The following COLGALT2 variants were observed in gnomAD, a reference collection of about 807,000 sequenced individuals.
COLGALT2 encodes collagen beta(1-O)galactosyltransferase 2, also known as procollagen galactosyltransferase 2.
In COLGALT2, 49 loss-of-function variants were observed where a neutral mutation model predicts 73.4. The ratio of observed to expected loss-of-function variants is 0.67; its 90% CI spans 0.53 to 0.85. The LOEUF is 0.85. Among genes scored for constraint, COLGALT2 ranks in the 40% least tolerant of loss-of-function variants. COLGALT2 has a pLI of 0.00. For synonymous variants in COLGALT2, 295 were observed against 307.6 expected (o/e 0.96, Z 0.43); for missense variants, 722 against 790.2 (o/e 0.91, Z 1.03).
At chr1:183,998,947 C>T (rs113149956) in intron 1 of COLGALT2, among the ~76,000 whole-genome samples, 9 of 152,020 alleles carry the variant, frequency 5.9e-5, no homozygotes, top group African/African-American at 1.9e-4. Context: ...AATTTATCTG[C>T]AAATTCTATT....
At chr1:183,992,524 A>G (rs1047782658) in intron 1 of COLGALT2, among the ~76,000 whole-genome samples, 1 of 152,234 alleles carries the variant, frequency 6.6e-6, no homozygotes, top group Non-Finnish European at 1.5e-5. Context: ...TGAAGCACTC[A>G]TAATTTTCAA....
intron 1 of COLGALT2, among the ~76,000 whole-genome samples, chr1:184,000,012 C>T (rs1021353753): frequency 6.6e-6 from 1 of 151,864 alleles, no homozygotes; most frequent in Non-Finnish European, 1.5e-5. Flanking sequence ...CACCTCTTAG[C>T]TTATTTAGTA....
chr1:183,971,577 C>T (rs1671038261), intron 4 of COLGALT2, among the ~76,000 whole-genome samples: 1 of 152,182 alleles, frequency 6.6e-6, no homozygotes, highest in South Asian at 2.1e-4. Context: ...ATAATGTTTT[C>T]TCCCAAGGAA....
Position 184,037,098 on chromosome 1 carries a change from AT to A in COLGALT2, c.259del (p.Ile87SerfsTer20). ...RLDYPKSRMA[I>X]WAATDHNVDN... ...CCCGGGGCCCGTGCGCGCTCACCAG[AT>A]GGCCATCCTGCTCTTGGGGTAGTCC... On this transcript the variant is annotated frameshift_variant, in exon 1 of 12. Coordinates refer to ENST00000361927, the MANE Select transcript of COLGALT2 (RefSeq NM_015101.4). LOFTEE classifies it high-confidence loss of function. 6.3e-7 allele frequency: 1 copy of A among 1,575,276 alleles called. No homozygotes were observed. Among genetic ancestry groups the A allele is most frequent in the South Asian group, 1.1e-5 (1 of 88,100 alleles).
chr1:183,995,974 T>C (rs1315655335), intron 1 of COLGALT2, among the ~76,000 whole-genome samples: 2 of 152,260 alleles, frequency 1.3e-5, no homozygotes, highest in East Asian at 1.9e-4. Flanking sequence ...TTCAATCTTA[T>C]TGAGCTCTGT....
intron 1 of COLGALT2, among the ~76,000 whole-genome samples, chr1:184,008,174 A>G (rs1225506750): frequency 6.6e-6 from 1 of 152,260 alleles, no homozygotes; most frequent in East Asian, 1.9e-4. Context: ...AGTATTCCAA[A>G]TGGATAAACA....
intron 1 of COLGALT2, among the ~76,000 whole-genome samples, chr1:184,027,413 C>A (rs560120359): frequency 6.6e-6 from 1 of 152,328 alleles, no homozygotes; most frequent in African/African-American, 2.4e-5. Context: ...TGTGGACCAT[C>A]TGATGAATGT....
At chr1:183,955,013 C>T (rs188496245) in intron 6 of COLGALT2, among the ~76,000 whole-genome samples, 175 bp from the exon 7 acceptor site, 1 of 152,310 alleles carries the variant, frequency 6.6e-6, no homozygotes, top group East Asian at 1.9e-4. Flanking sequence ...CTGGTCAGGG[C>T]ACTGGTTTCA....
intron 7 of COLGALT2, 37 bp from the exon 8 acceptor site, chr1:183,951,150 T>C: frequency 7.0e-7 from 1 of 1,432,680 alleles, no homozygotes; most frequent in South Asian, 1.1e-5. Flanking sequence ...ACACATAAAT[T>C]ACTCAAGTCT....
chr1:184,026,470 A>G (rs1649334880), intron 1 of COLGALT2, among the ~76,000 whole-genome samples: 1 of 152,208 alleles, frequency 6.6e-6, no homozygotes. Flanking sequence ...GCTGCTGTAC[A>G]TGCAGTTATA....
chr1:183,971,801 A>C (rs560543271), intron 4 of COLGALT2, among the ~76,000 whole-genome samples: 7 of 152,238 alleles, frequency 4.6e-5, no homozygotes, highest in Non-Finnish European at 7.4e-5. Flanking sequence ...AACAAAAATC[A>C]CGTTAATCCC....
chr1:183,974,944 C>A (rs568695775), intron 3 of COLGALT2, among the ~76,000 whole-genome samples, 153 bp downstream of exon 3: 1 of 152,228 alleles, frequency 6.6e-6, no homozygotes, highest in South Asian at 2.1e-4. Context: ...TTTTAAACTA[C>A]CAAAAATTTC....
At chr1:183,951,439 G>A (rs1390787813) in intron 7 of COLGALT2, among the ~76,000 whole-genome samples, 1 of 152,126 alleles carries the variant, frequency 6.6e-6, no homozygotes, top group East Asian at 1.9e-4. Context: ...ACGATCCTAT[G>A]TTTAGAAAAA....
intron 1 of COLGALT2, among the ~76,000 whole-genome samples, chr1:183,994,586 C>T (rs1318721320): frequency 6.6e-6 from 1 of 152,148 alleles, no homozygotes; most frequent in African/African-American, 2.4e-5. Flanking sequence ...TCCCGAATAG[C>T]TCGGATTACT....
At chr1:183,982,335 T>G (rs1450220042) in intron 1 of COLGALT2, among the ~76,000 whole-genome samples, 1 of 152,182 alleles carries the variant, frequency 6.6e-6, no homozygotes, top group Non-Finnish European at 1.5e-5. Flanking sequence ...GAGTTTGTGA[T>G]TGTGCCAAAA....
chr1:183,945,682 G>A, intron 8 of COLGALT2, 118 bp from the exon 9 acceptor site: 2 of 1,214,132 alleles, frequency 1.6e-6, no homozygotes, highest in Non-Finnish European at 2.3e-6. Context: ...AAGACAGAGA[G>A]GCTTCCCTTT....
At chr1:184,010,641 A>G (rs1377975958) in intron 1 of COLGALT2, among the ~76,000 whole-genome samples, 1 of 152,214 alleles carries the variant, frequency 6.6e-6, no homozygotes, top group Non-Finnish European at 1.5e-5. Context: ...GTGAAGGACA[A>G]TCTCCTAGAA....
At chr1:183,933,750 G>C (rs960707888), downstream of COLGALT2, among the ~76,000 whole-genome samples, 2 of 151,570 alleles carry the variant, frequency 1.3e-5, no homozygotes, top group African/African-American at 4.8e-5. Context: ...AGGTCCATGG[G>C]GGCAGAGCTA....
chr1:183,945,859 A>T, intron 8 of COLGALT2: 4 of 354,322 alleles, frequency 1.1e-5, no homozygotes, highest in Non-Finnish European at 2.1e-5. Context: ...GAAATTAGTT[A>T]AAGTACTGCA....
Sources: gnomAD v4.1 joint callset for allele counts (sites outside exome capture counted in the v4.1 genomes callset) on GRCh38, gnomAD v4.1.1 for gene constraint, MANE v1.5 for transcripts, NCBI Gene and HGNC (gene_info 2026-07-23, HGNC 2026-07-21) for gene names.